AAK1: variants seen among roughly 807,000 people sequenced by gnomAD.
AAK1 encodes AP2 associated kinase 1.
A neutral mutation model predicts 116.0 loss-of-function variants in AAK1; 37 were observed. The observed-to-expected ratio is 0.32, with a 90% CI of 0.25 to 0.42. The LOEUF is 0.42. AAK1 is among the 10% of genes least tolerant of loss of function. The pLI is 1.00. For missense variants in AAK1, 919 were observed against 1,170.6 expected (o/e 0.79, Z 3.14); for synonymous variants, 458 against 439.9 (o/e 1.04, Z -0.51).
chr2:69,504,397 C>T (rs1039591454), intron 16 of AAK1, among the ~76,000 whole-genome samples: 1 of 57,776 alleles, frequency 1.7e-5, no homozygotes, highest in Non-Finnish European at 3.2e-5. Flanking sequence ...GACTCCATCT[C>T]AAAAAAAAAA....
At chr2:69,643,384 AT>A in intron 1 of AAK1, 110 bp from the exon 2 acceptor site, 1 of 1,181,926 alleles carries the variant, frequency 8.5e-7, no homozygotes, top group Non-Finnish European at 1.1e-6. Flanking sequence ...CGCTTCATGT[AT>A]TTTCCCGGCG....
intron 2 of AAK1, among the ~76,000 whole-genome samples, chr2:69,569,901 T>C (rs562546509): frequency 6.6e-6 from 1 of 152,222 alleles, no homozygotes; most frequent in Non-Finnish European, 1.5e-5. Context: ...TTATTTCAGA[T>C]TGGGGCTGTT....
intron 3 of AAK1, among the ~76,000 whole-genome samples, chr2:69,547,587 G>T (rs1294615899): frequency 1.3e-5 from 2 of 152,066 alleles, no homozygotes; most frequent in Non-Finnish European, 2.9e-5. Flanking sequence ...CACTAAGATG[G>T]CTATAATAAA....
At chr2:69,537,632 CTG>C (rs1224694154) in intron 5 of AAK1, among the ~76,000 whole-genome samples, 1 of 152,204 alleles carries the variant, frequency 6.6e-6, no homozygotes, top group Non-Finnish European at 1.5e-5. Context: ...ACTGCTAGGA[CTG>C]TGGTGGCTGG....
At chr2:69,623,039 C>T (rs759685133) in intron 2 of AAK1, among the ~76,000 whole-genome samples, 7 of 152,132 alleles carry the variant, frequency 4.6e-5, no homozygotes, top group Admixed American at 6.5e-5. Context: ...TCCCCTTCCA[C>T]ACCGTGGAAG....
intron 16 of AAK1, among the ~76,000 whole-genome samples, chr2:69,496,989 T>C (rs762307271): frequency 6.6e-6 from 1 of 152,196 alleles, no homozygotes; most frequent in Non-Finnish European, 1.5e-5. Flanking sequence ...CAGAACTCTA[T>C]ACACCCTATG....
chr2:69,561,804 A>G (rs1324947903), intron 2 of AAK1, among the ~76,000 whole-genome samples: 2 of 152,058 alleles, frequency 1.3e-5, no homozygotes, highest in East Asian at 3.9e-4. Flanking sequence ...TTCCATCCCT[A>G]TAGTTTTGCT....
At chr2:69,573,933 AGCAGTGAGCT>A (rs1672192494) in intron 2 of AAK1, among the ~76,000 whole-genome samples, 2 of 151,770 alleles carry the variant, frequency 1.3e-5, no homozygotes, top group African/African-American at 4.8e-5. Context: ...TGGAGGGTAG[AGCAGTGAGCT>A]GAGATCATGC....
At chr2:69,517,986 G>A (rs1481374644) in intron 12 of AAK1, among the ~76,000 whole-genome samples, 1 of 152,086 alleles carries the variant, frequency 6.6e-6, no homozygotes, top group African/African-American at 2.4e-5. Context: ...GCCAGGCATG[G>A]TGGCACATGC....
Position 69,556,866 on chromosome 2 carries a change from C to G in AAK1, c.276G>C (p.Gln92His). 6.2e-7 allele frequency: 1 copy of G among 1,612,430 alleles called. No homozygotes were observed. Among genetic ancestry groups the G allele is most frequent in the Middle Eastern group, 1.7e-4 (1 of 6,054 alleles). ...GTCCAAGGGGCAGCCTTACCATTAT[C>G]TGGATTTCTCTCTTGCACACCTGGA... ...HDLQVCKREI[Q>H]IMRDLSGHKN... is the part of the protein sequence containing the mutation. Residue 92 changes from glutamine to histidine, a missense_variant, in exon 3 of 22, where the codon CAG becomes CAC. Coordinates refer to ENST00000409085, the MANE Select transcript of AAK1 (RefSeq NM_014911.5).
At chr2:69,479,199 C>A (rs1674989530) in intron 19 of AAK1, 138 bp from the exon 20 acceptor site, 3 of 625,098 alleles carry the variant, frequency 4.8e-6, no homozygotes, top group South Asian at 4.1e-5. Context: ...AGAATAAAAA[C>A]CAAAAGAAAT....
chr2:69,561,533 A>G lies in AAK1; in HGVS notation c.164-4555T>C, dbSNP rs575049151. On this transcript the variant is annotated intron_variant, in intron 2 of 21. Transcript: ENST00000409085. Reference sequence around the variant, plus strand: ...AGAAAGATTAAGTTCCTTTCACAAGAATGCACAGAGCTAGTTGGTGGCAGA... The same window carrying G: ...AGAAAGATTAAGTTCCTTTCACAAGGATGCACAGAGCTAGTTGGTGGCAGA... Among the ~76,000 whole-genome samples the G allele has an allele frequency of 8.5e-5, 13 of 152,366 alleles. No homozygotes were observed. The South Asian group carries it at 2.1e-3, about 24-fold the overall frequency.
chr2:69,507,709 T>TA, intron 14 of AAK1, 131 bp from the exon 15 acceptor site: 1 of 387,398 alleles, frequency 2.6e-6, no homozygotes, highest in Non-Finnish European at 3.6e-6. Context: ...ACCACAGTAT[T>TA]TTTTTTTTTT....
intron 7 of AAK1, 75 bp downstream of exon 7, chr2:69,530,550 T>C (rs1670212927): frequency 3.2e-6 from 4 of 1,237,158 alleles, no homozygotes; most frequent in Non-Finnish European, 4.8e-6. Flanking sequence ...GCTATAGCGC[T>C]GTGTGCATTA....
At chr2:69,609,839 G>A (rs1673986450) in intron 2 of AAK1, among the ~76,000 whole-genome samples, 1 of 152,000 alleles carries the variant, frequency 6.6e-6, no homozygotes, top group East Asian at 1.9e-4. Context: ...CACGAGGTCA[G>A]GAGATCGAGA....
At chr2:69,571,895 C>T (rs961908132) in intron 2 of AAK1, among the ~76,000 whole-genome samples, 46 of 152,146 alleles carry the variant, frequency 3.0e-4, no homozygotes, top group African/African-American at 1.0e-3. Flanking sequence ...GCACTCATTA[C>T]CTGGGAATGT....
chr2:69,563,310 G>A (rs980572757), intron 2 of AAK1, among the ~76,000 whole-genome samples: 1 of 152,124 alleles, frequency 6.6e-6, no homozygotes, highest in African/African-American at 2.4e-5. Flanking sequence ...GCAGGAAGAG[G>A]AGAAACACAC....
intron 2 of AAK1, among the ~76,000 whole-genome samples, chr2:69,587,847 A>G (rs1313819761): frequency 1.3e-5 from 2 of 152,092 alleles, no homozygotes; most frequent in Non-Finnish European, 2.9e-5. Flanking sequence ...CCTGGGCTCA[A>G]GTGATCTTCC....
intron 5 of AAK1, among the ~76,000 whole-genome samples, chr2:69,539,406 G>T (rs1421056100): frequency 6.9e-6 from 1 of 144,386 alleles, no homozygotes; most frequent in Non-Finnish European, 1.5e-5. Flanking sequence ...GACATGGAAG[G>T]GGTGCAGAAC....
Sources: gnomAD v4.1 joint callset for allele counts (sites outside exome capture counted in the v4.1 genomes callset) on GRCh38, gnomAD v4.1.1 for gene constraint, MANE v1.5 for transcripts, NCBI Gene and HGNC (gene_info 2026-07-23, HGNC 2026-07-21) for gene names.